The following SMYD3 variants were observed in gnomAD, a reference collection of about 807,000 sequenced individuals.
SMYD3 encodes the protein histone-lysine N-methyltransferase SMYD3.
SMYD3 carries 36 observed loss-of-function variants against 57.7 expected under a neutral mutation model. The observed-to-expected ratio is 0.62, with a 90% CI of 0.48 to 0.82. The LOEUF (loss-of-function observed/expected upper bound fraction) is 0.82. Among genes scored for constraint, SMYD3 ranks in the 40% least tolerant of loss-of-function variants. The probability of loss-of-function intolerance (pLI) is 0.00; values close to 1 mark genes in which losing one functional copy is unlikely to be tolerated. For missense variants in SMYD3, 515 were observed against 538.8 expected (o/e 0.96, Z 0.44); for synonymous variants, 211 against 195.0 (o/e 1.08, Z -0.68).
At chr1:246,020,224 C>A (rs141862587) in intron 5 of SMYD3, among the ~76,000 whole-genome samples, 45 of 152,320 alleles carry the variant, frequency 3.0e-4, no homozygotes, top group African/African-American at 1.1e-3. Flanking sequence ...AACAGGCAAG[C>A]AAAATCTATA....
intron 5 of SMYD3, among the ~76,000 whole-genome samples, chr1:246,072,060 C>A (rs1160815832): frequency 1.0e-4 from 3 of 29,802 alleles, no homozygotes; most frequent in Non-Finnish European, 1.5e-4. Flanking sequence ...ACTGTGGATG[C>A]ATCGTGTAGT....
intron 5 of SMYD3, among the ~76,000 whole-genome samples, chr1:246,178,555 A>C (rs1193976356): frequency 1.3e-5 from 2 of 152,186 alleles, no homozygotes; most frequent in Non-Finnish European, 2.9e-5. Context: ...TATTTACTGA[A>C]ACAAGCAAAT....
At chr1:246,393,812 G>A (rs1030073833) in intron 1 of SMYD3, among the ~76,000 whole-genome samples, 1 of 151,938 alleles carries the variant, frequency 6.6e-6, no homozygotes, top group Non-Finnish European at 1.5e-5. Flanking sequence ...CCAAGATCGC[G>A]CCACTGCACT....
chr1:245,812,049 T>C (rs138257109), intron 10 of SMYD3, among the ~76,000 whole-genome samples: 223 of 152,292 alleles, frequency 1.5e-3, no homozygotes, highest in African/African-American at 5.2e-3. Context: ...ATATGGAATG[T>C]CATTCTGGAA....
rs985356914 is a variant in SMYD3, at chr1:245,866,374, T to A, written c.814-2488A>T. On this transcript the variant is annotated intron_variant, in intron 8 of 11. Coordinates refer to ENST00000490107, the MANE Select transcript of SMYD3 (RefSeq NM_001167740.2). Reference sequence around the variant, plus strand: ...ACACCATAGGTGCACTTTTTTTTTTTAATTCTAAATACATCCCTAACTTTC... The same window carrying A: ...ACACCATAGGTGCACTTTTTTTTTTAAATTCTAAATACATCCCTAACTTTC... Among the ~76,000 whole-genome samples the A allele has an allele frequency of 2.3e-4, 34 of 149,662 alleles. 1 individual carries two copies. The highest frequency in any genetic ancestry group is 1.4e-3 in the East Asian group (7 of 4,916).
chr1:246,199,064 A>G (rs1572201080), intron 5 of SMYD3, among the ~76,000 whole-genome samples: 1 of 152,112 alleles, frequency 6.6e-6, no homozygotes, highest in Admixed American at 6.5e-5. Context: ...AAATGACTCC[A>G]TCACCCAGGG....
At chr1:245,847,090 C>T (rs1217672891) in intron 10 of SMYD3, among the ~76,000 whole-genome samples, 1 of 152,180 alleles carries the variant, frequency 6.6e-6, no homozygotes, top group African/African-American at 2.4e-5. Flanking sequence ...CCTGGCTGGG[C>T]CATTTCCCTT....
chr1:246,506,942 T>A, intron 1 of SMYD3, 112 bp downstream of exon 1: 1 of 1,020,850 alleles, frequency 9.8e-7, no homozygotes, highest in South Asian at 2.2e-5. Context: ...CCAAGCTGCC[T>A]GTGCAGCCCC....
intron 1 of SMYD3, among the ~76,000 whole-genome samples, chr1:246,377,559 G>A (rs997792410): frequency 6.6e-6 from 1 of 151,880 alleles, no homozygotes; most frequent in South Asian, 2.1e-4. Context: ...AGTAGAGATA[G>A]GGTTTCTCCA....
At chr1:246,410,647 T>C (rs1247150005) in intron 1 of SMYD3, among the ~76,000 whole-genome samples, 3 of 152,184 alleles carry the variant, frequency 2.0e-5, no homozygotes, top group Non-Finnish European at 4.4e-5. Flanking sequence ...TTGTTGTGTC[T>C]CTGCCAGGCT....
At chr1:245,762,508 AC>A (rs1320307337) in intron 11 of SMYD3, among the ~76,000 whole-genome samples, 1 of 152,060 alleles carries the variant, frequency 6.6e-6, no homozygotes, top group Non-Finnish European at 1.5e-5. Flanking sequence ...GCTGACAAGT[AC>A]CCCCAGACCA....
At chr1:245,936,368 T>TTA (rs2056980727) in intron 5 of SMYD3, among the ~76,000 whole-genome samples, 1 of 151,880 alleles carries the variant, frequency 6.6e-6, no homozygotes, top group Non-Finnish European at 1.5e-5. Flanking sequence ...ATCTTATTTT[T>TTA]TTTTTTGCAG....
At chr1:246,256,132 A>G (rs1446848075) in intron 5 of SMYD3, among the ~76,000 whole-genome samples, 6 of 152,154 alleles carry the variant, frequency 3.9e-5, no homozygotes, top group Admixed American at 1.3e-4. Flanking sequence ...AAGTTCCAAA[A>G]TTGAAGAATT....
chr1:246,330,766 G>C (rs1240274766), intron 3 of SMYD3, among the ~76,000 whole-genome samples: 1 of 152,068 alleles, frequency 6.6e-6, no homozygotes, highest in Non-Finnish European at 1.5e-5. Flanking sequence ...CAAAACTCTT[G>C]TACAAAAAGT....
At chr1:245,943,922 G>A (rs2057346744) in intron 5 of SMYD3, among the ~76,000 whole-genome samples, 1 of 152,148 alleles carries the variant, frequency 6.6e-6, no homozygotes, top group South Asian at 2.1e-4. Context: ...CAACGCCTTT[G>A]AGAAAATTCA....
chr1:246,496,777 A>G (rs1462502873), intron 1 of SMYD3, among the ~76,000 whole-genome samples: 1 of 152,180 alleles, frequency 6.6e-6, no homozygotes, highest in Non-Finnish European at 1.5e-5. Context: ...GTGAGCCAGG[A>G]GCACACCACT....
chr1:245,908,173 G>A lies in SMYD3; in HGVS notation c.813+7357C>T, dbSNP rs191688387. The stretch of plus-strand genomic sequence containing the variant: ...GAAGGGATGACAAACAATACTCCAC[G>A]CAAACAGAAGCCAAAGCTGAGCAGG... On this transcript the variant is annotated intron_variant, in intron 8 of 11. Coordinates refer to ENST00000490107, the MANE Select transcript of SMYD3 (RefSeq NM_001167740.2). 1.5e-3 allele frequency among the ~76,000 whole-genome samples: 229 copies of A among 151,776 alleles called. 1 individual carries two copies. The highest frequency in any genetic ancestry group is 5.1e-3 in the African/African-American group (212 of 41,428).
At chr1:246,121,565 T>C (rs1471993220) in intron 5 of SMYD3, among the ~76,000 whole-genome samples, 1 of 152,142 alleles carries the variant, frequency 6.6e-6, no homozygotes, top group African/African-American at 2.4e-5. Context: ...TACAGTGTAG[T>C]TTTTAGTCTA....
intron 1 of SMYD3, among the ~76,000 whole-genome samples, chr1:246,357,605 C>T (rs1272914442): frequency 2.0e-5 from 3 of 152,114 alleles, no homozygotes; most frequent in Admixed American, 1.3e-4. Flanking sequence ...TGCATGATAT[C>T]TATGAACCCC....
Sources: allele counts gnomAD v4.1 joint callset (sites outside exome capture counted in the v4.1 genomes callset), GRCh38; gene constraint gnomAD v4.1.1; transcripts MANE v1.5; gene names NCBI Gene and HGNC (gene_info 2026-07-23, HGNC 2026-07-21).